The following FBXL20 variants were observed in gnomAD, a reference collection of about 807,000 sequenced individuals.
The protein encoded by FBXL20 is F-box/LRR-repeat protein 20.
In FBXL20, 11 loss-of-function variants were observed where a neutral mutation model predicts 64.0. The observed-to-expected ratio is 0.17, with a 90% confidence interval of 0.11 to 0.28. The LOEUF is 0.28. FBXL20 is among the 10% of genes least tolerant of loss of function. The pLI is 1.00. For synonymous variants in FBXL20, 184 were observed against 189.0 expected (o/e 0.97, Z 0.22); for missense variants, 303 against 526.2 (o/e 0.58, Z 4.15).
At chr17:39,301,186 T>C in intron 3 of FBXL20, 111 bp from the exon 4 acceptor site, 1 of 873,340 alleles carries the variant, frequency 1.1e-6, no homozygotes, top group Non-Finnish European at 1.8e-6. Context: ...GATCCAAAAA[T>C]TTATCAGGCC....
In FBXL20 at chr17:39,257,732, T is replaced by G. The variant is rs1315185710; in HGVS notation, c.*3728A>C. ...CTTTAAGGCTGCCTTTGACAGCCCC[T>G]GGAGTAGGAGAAGGATTCAAAAAGG... On this transcript the variant is annotated 3_prime_UTR_variant, in exon 15 of 15. Transcript: ENST00000264658. The G allele has an allele frequency of 6.6e-6, 1 of 152,306 alleles. No individual in the cohort carries two copies. Among genetic ancestry groups the G allele is most frequent in the Non-Finnish European group, 1.5e-5 (1 of 68,048 alleles). The allele number at this position is 152,306 out of a possible 1,614,324, so 9.4% of individuals were successfully genotyped here.
In FBXL20 at chr17:39,253,196, C is replaced by T. The variant is rs2046665981; in HGVS notation, c.*8264G>A. ...GTCTCCAACAGCACCATTTACCCAT[C>T]CATCTCTGTCCCTGAGCAGAGTCTG... On this transcript the variant is annotated 3_prime_UTR_variant, in exon 15 of 15. Coordinates refer to ENST00000264658, the MANE Select transcript of FBXL20 (RefSeq NM_032875.3). The T allele has an allele frequency of 6.6e-6, 1 of 152,500 alleles. No homozygotes were observed. The allele number at this position is 152,500 out of a possible 1,614,324, so 9.4% of individuals were successfully genotyped here.
At chr17:39,281,350 A>T in intron 9 of FBXL20, 39 bp downstream of exon 9, 1 of 1,574,368 alleles carries the variant, frequency 6.4e-7, no homozygotes, top group Admixed American at 1.8e-5. Context: ...TAATGAAATG[A>T]ATTACTAAAA....
chr17:39,339,125 G>A (rs1471568400), intron 2 of FBXL20, among the ~76,000 whole-genome samples: 1 of 132,746 alleles, frequency 7.5e-6, no homozygotes, highest in Non-Finnish European at 1.5e-5. Context: ...CCGAGATCAT[G>A]CCACTGCACT....
At chr17:39,334,280 T>C (rs569369255) in intron 2 of FBXL20, among the ~76,000 whole-genome samples, 1 of 152,172 alleles carries the variant, frequency 6.6e-6, no homozygotes, top group South Asian at 2.1e-4. Flanking sequence ...AGCATGCTTG[T>C]TAAGAGTCAT....
At chr17:39,400,081 T>A (rs1200691584) in intron 1 of FBXL20, among the ~76,000 whole-genome samples, 1 of 152,202 alleles carries the variant, frequency 6.6e-6, no homozygotes, top group East Asian at 1.9e-4. Flanking sequence ...AATGTCCTAT[T>A]AAACACCAAA....
intron 2 of FBXL20, among the ~76,000 whole-genome samples, chr17:39,320,714 C>T (rs1029551502): frequency 5.9e-5 from 9 of 151,838 alleles, no homozygotes; most frequent in African/African-American, 2.2e-4. Flanking sequence ...CCTGCCTCAG[C>T]CTCCCAAGCA....
intron 2 of FBXL20, among the ~76,000 whole-genome samples, chr17:39,336,947 TCTCC>T (rs1221761770): frequency 1.3e-5 from 2 of 151,140 alleles, no homozygotes; most frequent in Admixed American, 1.3e-4. Context: ...ATAAACGACC[TCTCC>T]CTCTCCCTCC....
chr17:39,299,009 C>G lies in FBXL20; in HGVS notation c.310G>C (p.Val104Leu). The G allele has an allele frequency of 6.2e-7, 1 of 1,613,516 alleles. No individual in the cohort carries two copies. The highest frequency in any genetic ancestry group is 8.5e-7 in the Non-Finnish European group (1 of 1,179,620). ...RKLSLRGCLGVGDNALRTFAQ... is the reference protein window; with the variant it reads ...RKLSLRGCLGLGDNALRTFAQ... ...TTTTACCTTAATGCATTGTCTCCCA[C>G]TCCAAGACATCCACGAAGACTTAAC... Residue 104 changes from valine (V) to leucine (L), a missense_variant, in exon 5 of 15, where the codon GTG becomes CTG. Val to Leu is a conservative substitution (Grantham distance 32). Transcript: ENST00000264658.
At chr17:39,330,144 A>C (rs2047446428) in intron 2 of FBXL20, among the ~76,000 whole-genome samples, 1 of 149,750 alleles carries the variant, frequency 6.7e-6, no homozygotes, top group Admixed American at 6.7e-5. Context: ...ATACAAAACA[A>C]ATATTAGCCG....
intron 1 of FBXL20, among the ~76,000 whole-genome samples, chr17:39,397,545 T>C (rs955919594): frequency 6.6e-6 from 1 of 152,150 alleles, no homozygotes; most frequent in Non-Finnish European, 1.5e-5. Flanking sequence ...ACTAAGAGCA[T>C]GACAAAGTGG....
intron 1 of FBXL20, among the ~76,000 whole-genome samples, chr17:39,359,281 A>G (rs2047771532): frequency 1.3e-5 from 2 of 152,330 alleles, no homozygotes; most frequent in Non-Finnish European, 2.9e-5. Flanking sequence ...AGTTGCAGTG[A>G]GCCAGGATTA....
intron 1 of FBXL20, among the ~76,000 whole-genome samples, chr17:39,393,611 T>C (rs2048155844): frequency 6.6e-6 from 1 of 152,214 alleles, no homozygotes; most frequent in South Asian, 2.1e-4. Flanking sequence ...AAATGATATA[T>C]AAATTCATTA....
intron 1 of FBXL20, among the ~76,000 whole-genome samples, chr17:39,398,492 T>A: frequency 6.6e-6 from 1 of 152,198 alleles, no homozygotes; most frequent in East Asian, 1.9e-4. Flanking sequence ...ATTCAGCACA[T>A]ACTATGTTGA....
chr17:39,386,592 C>G (rs1317836083), intron 1 of FBXL20, among the ~76,000 whole-genome samples: 2 of 152,130 alleles, frequency 1.3e-5, no homozygotes, highest in African/African-American at 4.8e-5. Flanking sequence ...TCACTGTACT[C>G]CAGCCTGGGT....
chr17:39,381,059 C>G (rs1030599184), intron 1 of FBXL20, among the ~76,000 whole-genome samples: 1 of 151,868 alleles, frequency 6.6e-6, no homozygotes, highest in Non-Finnish European at 1.5e-5. Flanking sequence ...AGTCAGGAGG[C>G]TGAAGCAGGA....
At chr17:39,387,899 G>A (rs898078145) in intron 1 of FBXL20, among the ~76,000 whole-genome samples, 16 of 151,904 alleles carry the variant, frequency 1.1e-4, no homozygotes, top group Admixed American at 6.6e-4. Flanking sequence ...TCCAACTTAC[G>A]ATACTTTCAA....
chr17:39,294,951 A>G (rs932119872), intron 6 of FBXL20, among the ~76,000 whole-genome samples: 10 of 152,252 alleles, frequency 6.6e-5, no homozygotes, highest in African/African-American at 9.6e-5. Flanking sequence ...CCTGGGCAAC[A>G]GGGCAAGACA....
chr17:39,302,699 T>C (rs1176936820), intron 3 of FBXL20, among the ~76,000 whole-genome samples: 2 of 151,990 alleles, frequency 1.3e-5, no homozygotes, highest in Non-Finnish European at 1.5e-5. Flanking sequence ...TCTGTAGAGA[T>C]AGGGCTCCCT....
Sources: allele counts gnomAD v4.1 joint callset (sites outside exome capture counted in the v4.1 genomes callset), GRCh38; gene constraint gnomAD v4.1.1; transcripts MANE v1.5; gene names NCBI Gene and HGNC (gene_info 2026-07-23, HGNC 2026-07-21).